NETO2: variants seen among roughly 807,000 people sequenced by gnomAD.
NETO2 encodes neuropilin and tolloid like 2.
A neutral mutation model predicts 62.5 loss-of-function variants in NETO2; 28 were observed. The observed-to-expected ratio is 0.45, with a 90% CI of 0.33 to 0.61. NETO2 has a LOEUF of 0.61. NETO2 is among the 20% of genes least tolerant of loss of function. The pLI is 0.02. For synonymous variants in NETO2, 214 were observed against 219.1 expected, an observed-to-expected ratio of 0.98 and a Z score of 0.21; for missense variants, 548 against 643.2, an observed-to-expected ratio of 0.85 and a Z score of 1.60.
At chr16:47,096,241 T>TAC (rs1488728721) in intron 7 of NETO2, among the ~76,000 whole-genome samples, 2 of 152,158 alleles carry the variant, frequency 1.3e-5, no homozygotes, top group African/African-American at 4.8e-5. Context: ...TTTAACTTTA[T>TAC]ACCTTAAGGA....
At chr16:47,129,591 G>A (rs1440942161) in intron 2 of NETO2, among the ~76,000 whole-genome samples, 12 of 152,134 alleles carry the variant, frequency 7.9e-5, no homozygotes, top group Admixed American at 6.5e-4. Context: ...GGGAAATAAA[G>A]GGCTTATAGG....
At chr16:47,101,499 CTGTT>C (rs1384631891) in intron 7 of NETO2, among the ~76,000 whole-genome samples, 1 of 152,214 alleles carries the variant, frequency 6.6e-6, no homozygotes, top group Non-Finnish European at 1.5e-5. Context: ...TAAATTGTCT[CTGTT>C]TGCAGATGAC....
chr16:47,142,459 A>G (rs1482302904), intron 1 of NETO2, among the ~76,000 whole-genome samples: 1 of 152,244 alleles, frequency 6.6e-6, no homozygotes, highest in Non-Finnish European at 1.5e-5. Flanking sequence ...AATAAAACAA[A>G]TTTGAAAAAA....
chr16:47,113,775 TAG>T (rs1963852355), intron 6 of NETO2, among the ~76,000 whole-genome samples: 1 of 151,876 alleles, frequency 6.6e-6, no homozygotes, highest in Admixed American at 6.6e-5. Flanking sequence ...GTATTTTCAG[TAG>T]AGACAGGGTT....
At chr16:47,128,279 G>A (rs1964195240) in intron 4 of NETO2, 46 bp downstream of exon 4, 2 of 1,579,020 alleles carry the variant, frequency 1.3e-6, no homozygotes, top group Admixed American at 1.8e-5. Context: ...TAAAATCAGA[G>A]TTAGAGTGAG....
At chr16:47,088,218 C>T (rs1371529885) in intron 7 of NETO2, among the ~76,000 whole-genome samples, 1 of 152,132 alleles carries the variant, frequency 6.6e-6, no homozygotes, top group Admixed American at 6.5e-5. Context: ...AATTCTCCTG[C>T]CTCAGCCTCC....
chr16:47,118,110 T>G (rs1031345794), intron 6 of NETO2, among the ~76,000 whole-genome samples: 3 of 152,158 alleles, frequency 2.0e-5, no homozygotes, highest in Admixed American at 6.5e-5. Context: ...TGTTAAAAAA[T>G]CCCTGGAGAA....
chr16:47,128,626 A>C, intron 3 of NETO2, 53 bp from the exon 4 acceptor site: 1 of 1,565,590 alleles, frequency 6.4e-7, no homozygotes, highest in Non-Finnish European at 8.6e-7. Flanking sequence ...AAGAATATAA[A>C]TGTATTGACA....
At chr16:47,124,878 A>C (rs775790613) in intron 4 of NETO2, among the ~76,000 whole-genome samples, 1 of 152,214 alleles carries the variant, frequency 6.6e-6, no homozygotes, top group Admixed American at 6.5e-5. Flanking sequence ...ATAAAATGCA[A>C]ATGAAAGGTG....
intron 8 of NETO2, among the ~76,000 whole-genome samples, chr16:47,085,622 G>A (rs1032171225): frequency 2.6e-5 from 4 of 151,364 alleles, no homozygotes; most frequent in African/African-American, 9.7e-5. Flanking sequence ...GACCTCAGGT[G>A]ATCCGCCTGC....
chr16:47,118,791 T>C (rs1052904792), intron 6 of NETO2, among the ~76,000 whole-genome samples: 4 of 152,206 alleles, frequency 2.6e-5, no homozygotes, highest in African/African-American at 9.7e-5. Flanking sequence ...CATTAAATCA[T>C]TGCATCTGTA....
At chr16:47,104,663 TG>T (rs1963631537) in intron 7 of NETO2, among the ~76,000 whole-genome samples, 1 of 152,218 alleles carries the variant, frequency 6.6e-6, no homozygotes, top group Non-Finnish European at 1.5e-5. Context: ...CAGTTGCTAC[TG>T]GCATAACAAC....
At chr16:47,095,795 C>G (rs1288769828) in intron 7 of NETO2, among the ~76,000 whole-genome samples, 1 of 152,128 alleles carries the variant, frequency 6.6e-6, no homozygotes, top group Non-Finnish European at 1.5e-5. Context: ...GACCTGAACA[C>G]CACTATAGAC....
At chr16:47,137,491 G>A (rs542068582) in intron 1 of NETO2, among the ~76,000 whole-genome samples, 62 of 152,290 alleles carry the variant, frequency 4.1e-4, no homozygotes, top group African/African-American at 1.5e-3. Context: ...ATTGGGCAGG[G>A]CAGGGGTGGG....
At position 47,128,306 on chromosome 16, in the gene NETO2, A is replaced by G; in HGVS notation, c.481+19T>C. ...TAGAGTGAGATGCCCAACCACTTAA[A>G]AGATAACTTATTCTTTACCTGGAAT... On this transcript the variant is annotated intron_variant, in intron 4 of 8. Transcript: ENST00000562435. The G allele has an allele frequency of 6.2e-7, 1 of 1,607,302 alleles. No homozygotes were observed. The highest frequency in any genetic ancestry group is 8.5e-7 in the Non-Finnish European group (1 of 1,176,672).
At chr16:47,136,152 A>C (rs146906863) in intron 1 of NETO2, among the ~76,000 whole-genome samples, 85 of 152,324 alleles carry the variant, frequency 5.6e-4, no homozygotes, top group African/African-American at 1.9e-3. Flanking sequence ...AAAATTTAGA[A>C]ATCACATAGA....
intron 1 of NETO2, among the ~76,000 whole-genome samples, chr16:47,134,016 G>C (rs1320121280): frequency 6.6e-6 from 1 of 152,178 alleles, no homozygotes; most frequent in East Asian, 1.9e-4. Flanking sequence ...AGTGGAAAGG[G>C]AAAGGAGGAG....
Position 47,082,732 on chromosome 16 carries a change from T to C in NETO2, c.*489A>G, listed in dbSNP as rs576319518. 6.5e-6 allele frequency: 1 copy of C among 154,006 alleles called. No homozygotes were observed. The highest frequency in any genetic ancestry group is 1.9e-4 in the East Asian group (1 of 5,216). 9.5% of individuals were successfully genotyped at this position (154,006 alleles called of 1,614,324 possible). On this transcript the variant is annotated 3_prime_UTR_variant, in exon 9 of 9. Coordinates refer to ENST00000562435, the MANE Select transcript of NETO2 (RefSeq NM_018092.5). ...CAAATGCCTATACTGAAGTATGTGGTACATTAACCACTTGTACTTATGTAA... is the reference window on the plus strand; with the variant it reads ...CAAATGCCTATACTGAAGTATGTGGCACATTAACCACTTGTACTTATGTAA...
At chr16:47,122,975 T>TA in intron 4 of NETO2, 63 bp from the exon 5 acceptor site, 1 of 1,468,658 alleles carries the variant, frequency 6.8e-7, no homozygotes, top group Non-Finnish European at 9.5e-7. Context: ...CTCGATGTCT[T>TA]ACATTACATC....
Sources: allele counts gnomAD v4.1 joint callset (sites outside exome capture counted in the v4.1 genomes callset), GRCh38; gene constraint gnomAD v4.1.1; transcripts MANE v1.5; gene names NCBI Gene and HGNC (gene_info 2026-07-23, HGNC 2026-07-21).